LRP1B: variants seen among roughly 807,000 people sequenced by gnomAD.
LRP1B encodes low-density lipoprotein receptor-related protein 1B.
A neutral mutation model predicts 556.6 loss-of-function variants in LRP1B; 217 were observed. That is an observed-to-expected ratio of 0.39 (90% CI 0.35 to 0.44). The LOEUF (loss-of-function observed/expected upper bound fraction) is 0.44. Among genes scored for constraint, LRP1B ranks in the 20% least tolerant of loss-of-function variants. The probability of loss-of-function intolerance (pLI) is 1.00; values close to 1 mark genes in which losing one functional copy is unlikely to be tolerated. For synonymous variants in LRP1B, 2,047 were observed against 1,865.8 expected (o/e 1.10, Z -2.50); for missense variants, 5,053 against 5,620.8 (o/e 0.90, Z 3.23).
intron 1 of LRP1B, among the ~76,000 whole-genome samples, chr2:142,016,920 ATATG>A (rs139159774): frequency 0.048 from 3,738 of 78,660 alleles, 72 homozygotes; most frequent in Non-Finnish European, 0.084. Flanking sequence ...GTATATATGT[ATATG>A]TATGTATATA....
intron 1 of LRP1B, among the ~76,000 whole-genome samples, chr2:141,853,750 A>G (rs908787510): frequency 1.3e-5 from 2 of 152,018 alleles, no homozygotes; most frequent in African/African-American, 2.4e-5. Context: ...TAAATACAAA[A>G]GTTTGGTAGT....
rs190917133 is a variant in LRP1B at position 141,999,462 on chromosome 2, A to G, written c.82+131186T>C. 2.5e-4 allele frequency among the ~76,000 whole-genome samples: 38 copies of G among 152,258 alleles called. 1 individual carries two copies. The highest frequency in any genetic ancestry group is 8.9e-4 in the African/African-American group (37 of 41,560). ...GCAATGTAAATTAAATAAGTACATA[A>G]AAGTTTGAAGATTTGAAAAATATAT... On this transcript the variant is annotated intron_variant, in intron 1 of 90. Transcript: ENST00000389484.
intron 10 of LRP1B, among the ~76,000 whole-genome samples, chr2:141,053,465 TC>T (rs1220410000): frequency 7.2e-5 from 11 of 152,118 alleles, no homozygotes; most frequent in African/African-American, 2.2e-4. Context: ...AGCTTTCTAA[TC>T]CCTGGATCTC....
At chr2:140,262,972 G>T (rs1237550922) in intron 86 of LRP1B, among the ~76,000 whole-genome samples, 4 of 152,186 alleles carry the variant, frequency 2.6e-5, no homozygotes, top group Non-Finnish European at 5.9e-5. Flanking sequence ...TGCCCAGGCT[G>T]AAATGCAGTG....
chr2:141,817,276 C>T (rs899818159), intron 1 of LRP1B, among the ~76,000 whole-genome samples: 1 of 152,010 alleles, frequency 6.6e-6, no homozygotes, highest in African/African-American at 2.4e-5. Context: ...AATGTGAAGG[C>T]GGTTTCACTT....
intron 32 of LRP1B, among the ~76,000 whole-genome samples, chr2:140,788,226 C>T (rs973144592): frequency 6.6e-6 from 1 of 152,020 alleles, no homozygotes; most frequent in Admixed American, 6.6e-5. Flanking sequence ...GAGTCAACAA[C>T]AACAACAACA....
At chr2:141,513,390 G>A (rs56300380) in intron 2 of LRP1B, among the ~76,000 whole-genome samples, 9,097 of 151,974 alleles carry the variant, frequency 0.06, 346 homozygotes, top group South Asian at 0.17. Context: ...AAGATAAAAT[G>A]TTAAATGACT....
At chr2:140,368,488 A>G (rs1455069145) in intron 71 of LRP1B, among the ~76,000 whole-genome samples, 3 of 151,856 alleles carry the variant, frequency 2.0e-5, no homozygotes, top group Non-Finnish European at 4.4e-5. Flanking sequence ...CACCAGTATT[A>G]TATAAAGTGT....
In LRP1B at chr2:140,599,799, G is replaced by A. The variant is rs570893481; in HGVS notation, c.6990-964C>T. Among the ~76,000 whole-genome samples the A allele has an allele frequency of 2.6e-5, 4 of 152,090 alleles. No homozygotes were observed. In the East Asian group the frequency reaches 7.7e-4, roughly 29 times the overall value. ...TTTCATTTCCCCCCTTCATTTCACA[G>A]GTAAGAAAACAGAACGGCCCAGAGA... On this transcript the variant is annotated intron_variant, in intron 42 of 90. Transcript: ENST00000389484.
chr2:141,262,532 ACTT>A (rs1302350694), intron 3 of LRP1B, among the ~76,000 whole-genome samples: 1 of 152,154 alleles, frequency 6.6e-6, no homozygotes. Flanking sequence ...TTTAGCCTAT[ACTT>A]CTTCTAGAAA....
chr2:142,015,991 C>CAAAAAAAAAAAAAAAA lies in LRP1B; in HGVS notation c.82+114641_82+114656dup, dbSNP rs70994471. Among the ~76,000 whole-genome samples the CAAAAAAAAAAAAAAAA allele has an allele frequency of 1.5e-4, 6 of 38,792 alleles. 1 individual carries two copies. Among genetic ancestry groups the CAAAAAAAAAAAAAAAA allele is most frequent in the Admixed American group, 5.8e-4 (1 of 1,736 alleles). The allele number at this position is 38,792 out of a possible 152,430, so 25.4% of individuals were successfully genotyped here. ...TGGGCAACAGCGCGAGACTCCATCTCAAAAAAAAAAAAAAAAAAAAAGTGG... is the reference window on the plus strand; with the variant it reads ...TGGGCAACAGCGCGAGACTCCATCTCAAAAAAAAAAAAAAAAAAAAAAAAAAAAAAAAAAAAAGTGG... On this transcript the variant is annotated intron_variant, in intron 1 of 90. Transcript: ENST00000389484.
At chr2:141,197,298 C>CTGAGA (rs1558926287) in intron 6 of LRP1B, among the ~76,000 whole-genome samples, 19 of 152,218 alleles carry the variant, frequency 1.2e-4, no homozygotes, top group African/African-American at 4.6e-4. Flanking sequence ...AAAAACCCTA[C>CTGAGA]CTTCATTGGT....
At chr2:141,900,130 T>G (rs1474288585) in intron 1 of LRP1B, among the ~76,000 whole-genome samples, 1 of 152,134 alleles carries the variant, frequency 6.6e-6, no homozygotes, top group Non-Finnish European at 1.5e-5. Flanking sequence ...CCAATCGATA[T>G]GGAGAATTAT....
At chr2:141,327,874 G>C (rs1010127034) in intron 3 of LRP1B, among the ~76,000 whole-genome samples, 5 of 96,552 alleles carry the variant, frequency 5.2e-5, no homozygotes, top group African/African-American at 2.8e-4. Flanking sequence ...TAGATAAAGA[G>C]TGAGAGAGAG....
At chr2:142,056,144 CTG>C (rs1704662209) in intron 1 of LRP1B, among the ~76,000 whole-genome samples, 1 of 152,020 alleles carries the variant, frequency 6.6e-6, no homozygotes, top group African/African-American at 2.4e-5. Context: ...GAGTGAGACT[CTG>C]TCTCAGAAAA....
chr2:140,895,403 G>T (rs372129581), intron 23 of LRP1B, among the ~76,000 whole-genome samples: 1 of 152,182 alleles, frequency 6.6e-6, no homozygotes, highest in Non-Finnish European at 1.5e-5. Flanking sequence ...GACTTGGGAA[G>T]GGGGTGGCTC....
At chr2:141,851,233 T>C (rs185649385) in intron 1 of LRP1B, among the ~76,000 whole-genome samples, 9 of 151,916 alleles carry the variant, frequency 5.9e-5, no homozygotes, top group African/African-American at 2.2e-4. Context: ...ATATGAATAA[T>C]AAATTGGTCA....
At chr2:140,991,198 C>A (rs1015425033) in intron 16 of LRP1B, among the ~76,000 whole-genome samples, 1 of 152,030 alleles carries the variant, frequency 6.6e-6, no homozygotes, top group Non-Finnish European at 1.5e-5. Context: ...ATTTAAAGTA[C>A]CAATATTATA....
chr2:142,021,290 T>TA (rs1040980651), intron 1 of LRP1B, among the ~76,000 whole-genome samples: 8 of 152,026 alleles, frequency 5.3e-5, no homozygotes, highest in African/African-American at 1.9e-4. Context: ...TTTGAGATTT[T>TA]AAAAAATCTT....
Sources: allele counts gnomAD v4.1 joint callset (sites outside exome capture counted in the v4.1 genomes callset), GRCh38; gene constraint gnomAD v4.1.1; transcripts MANE v1.5; gene names NCBI Gene and HGNC (gene_info 2026-07-23, HGNC 2026-07-21).